PKD1: variants seen among roughly 807,000 people sequenced by gnomAD.
PKD1 encodes polycystin 1, transient receptor potential channel interacting.
A neutral mutation model predicts 361.7 loss-of-function variants in PKD1; 81 were observed. The ratio of observed to expected loss-of-function variants is 0.22; its 90% CI spans 0.19 to 0.27. The LOEUF (loss-of-function observed/expected upper bound fraction) is 0.27. Among genes scored for constraint, PKD1 ranks in the 10% least tolerant of loss-of-function variants. The pLI is 1.00. For missense variants in PKD1, 6,399 were observed against 6,118.3 expected (o/e 1.05, Z -1.53); for synonymous variants, 3,615 against 2,818.3 (o/e 1.28, Z -8.95).
intron 38 of PKD1, 86 bp from the exon 39 acceptor site, chr16:2,092,678 G>T: frequency 1.0e-6 from 1 of 991,878 alleles, no homozygotes. Flanking sequence ...AGGGAACATG[G>T]CTCCCACTGC....
Position 2,093,108 on chromosome 16 carries a change from G to T in PKD1, c.11017-15C>A, listed in dbSNP as rs767602364. ...ACCAGGAGGCTCTGGTGGACGGGGG[G>T]GCCCTGTGGTCAGCCTGGCCCCAGC... is the stretch of plus-strand genomic sequence containing the variant. On this transcript the variant is annotated splice_polypyrimidine_tract_variant and intron_variant, in intron 37 of 45. Coordinates refer to ENST00000262304, the MANE Select transcript of PKD1 (RefSeq NM_001009944.3). The T allele has an allele frequency of 5.6e-6, 9 of 1,611,934 alleles. No homozygotes were observed. The highest frequency in any genetic ancestry group is 7.6e-6 in the Non-Finnish European group (9 of 1,179,878).
In PKD1 at chr16:2,112,171, C is replaced by T. The variant is rs2369079; in HGVS notation, c.3295+169G>A. Among the ~76,000 whole-genome samples, 5 of 152,348 alleles carry T rather than the reference C, an allele frequency of 3.3e-5. No individual in the cohort carries two copies. In the East Asian group the frequency reaches 7.7e-4, roughly 24 times the overall value. ...GGGGCCCAGCTTCCCTGTCCACTCC[C>T]CCCACGCCTGGCCCCTCCCTCACCC... On this transcript the variant is annotated intron_variant, in intron 14 of 45. Transcript: ENST00000262304.
Position 2,102,624 on chromosome 16 carries a change from G to A in PKD1, c.8958C>T (p.Asp2986=), listed in dbSNP as rs777423670. 5.0e-6 allele frequency: 8 copies of A among 1,610,886 alleles called. No individual in the cohort carries two copies. The highest frequency in any genetic ancestry group is 4.4e-5 in the South Asian group (4 of 91,004). ...GGTTCAGATGGTAACTCCCCGCTGG[G>A]TCTCTGCTCCTGGGCAGGGAAGGGG... ...YTFFISPGSR[D]PAGSYHLNLS... Residue 2986 remains aspartate, a synonymous_variant, in exon 25 of 46, where the codon GAC becomes GAT. Transcript: ENST00000262304.
intron 37 of PKD1, 138 bp downstream of exon 37, chr16:2,093,406 G>A (rs1428827815): frequency 4.6e-6 from 4 of 865,322 alleles, no homozygotes; most frequent in Non-Finnish European, 5.3e-6. Flanking sequence ...AGGGAGACCG[G>A]GCAAAGGCTG....
intron 1 of PKD1, among the ~76,000 whole-genome samples, chr16:2,124,769 G>A (rs1393030608): frequency 2.0e-5 from 3 of 152,202 alleles, no homozygotes; most frequent in East Asian, 3.8e-4. Context: ...CCCCGCCCGC[G>A]CTGGCCGCCT....
chr16:2,099,468 C>T, intron 30 of PKD1, 176 bp downstream of exon 30: 2 of 703,196 alleles, frequency 2.8e-6, no homozygotes, highest in Non-Finnish European at 5.1e-6. Flanking sequence ...TCTGAGTCTT[C>T]TCTCTTTCTC....
chr16:2,113,708 G>A (rs971953291), intron 11 of PKD1: 14 of 357,650 alleles, frequency 3.9e-5, no homozygotes, highest in African/African-American at 2.7e-4. Context: ...ATTTCTGATG[G>A]CCCCTCCCAA....
At chr16:2,132,662 C>A (rs1444157604) in intron 1 of PKD1, among the ~76,000 whole-genome samples, 2 of 150,888 alleles carry the variant, frequency 1.3e-5, no homozygotes, top group African/African-American at 4.9e-5. Flanking sequence ...ACTATTAAAC[C>A]AAAAATGTGA....
chr16:2,114,629 G>T lies in PKD1; in HGVS notation c.2394C>A (p.Val798=). 6.4e-7 allele frequency: 1 copy of T among 1,571,266 alleles called. No individual in the cohort carries two copies. The highest frequency in any genetic ancestry group is 8.6e-7 in the Non-Finnish European group (1 of 1,167,946). The stretch of plus-strand genomic sequence containing the variant: ...ACACGCCATTGCCCACCTCTGCCCG[G>T]ACCTCATAGCGCCCAGGCAGCCGCA... ...PGLRLPGRYE[V]RAEVGNGVSR... The change falls in exon 11 of 46, where the codon GTC becomes GTA. Residue 798 remains valine (V), a synonymous_variant. Coordinates refer to ENST00000262304, the MANE Select transcript of PKD1 (RefSeq NM_001009944.3).
At position 2,109,766 on chromosome 16, in the gene PKD1, G is replaced by C; in HGVS notation, c.5401C>G (p.Pro1801Ala). 6.2e-7 allele frequency: 1 copy of C among 1,609,816 alleles called. No individual in the cohort carries two copies. The highest frequency in any genetic ancestry group is 8.5e-7 in the Non-Finnish European group (1 of 1,179,448). The change falls in exon 15 of 46, where the codon CCT becomes GCT. Residue 1801 changes from proline (P) to alanine (A), a missense_variant. Physicochemically the swap from Pro to Ala is conservative, Grantham distance 27. Transcript: ENST00000262304. ...NATVEVDVQVPVSGLSIRASE... is the reference protein window; with the variant it reads ...NATVEVDVQVAVSGLSIRASE... ...GCCCTGATGCTGAGGCCACTCACAGGCACCTGCACATCCACTTCCACGGTG... is the reference window on the plus strand; with the variant it reads ...GCCCTGATGCTGAGGCCACTCACAGCCACCTGCACATCCACTTCCACGGTG...
intron 40 of PKD1, 52 bp downstream of exon 40, chr16:2,091,995 G>T: frequency 1.2e-6 from 2 of 1,612,460 alleles, no homozygotes; most frequent in Non-Finnish European, 1.7e-6. Context: ...CACTCCTGGA[G>T]AACTACTCCC....
In PKD1 at chr16:2,111,555, C is replaced by T. The variant is rs775947695; in HGVS notation, c.3612G>A (p.Ala1204=). 39 of 1,583,062 alleles carry T rather than the reference C, an allele frequency of 2.5e-5. No homozygotes were observed. The highest frequency in any genetic ancestry group is 5.4e-5 in the Admixed American group (3 of 55,750). ...GGAGCTCCTCAAAGACGCGCACATC[C>T]GCCTGGGCCGCCGCACCGCTCACCG... is the stretch of plus-strand genomic sequence containing the variant. ...NNTVSGAAAQ[A]DVRVFEELRG... is the part of the protein sequence containing the mutation. The change falls in exon 15 of 46, where the codon GCG becomes GCA. Residue 1204 remains alanine, a synonymous_variant. Transcript: ENST00000262304.
At position 2,088,719 on chromosome 16, in the gene PKD1, C is replaced by T; in HGVS notation, c.*1008G>A. On this transcript the variant is annotated 3_prime_UTR_variant, in exon 46 of 46. Transcript: ENST00000262304. Reference sequence around the variant, plus strand: ...CATAGAGGCACAGATTGCAGTCAGACAGCTCTTTTATTGACTTTGTCTGCT... The same window carrying T: ...CATAGAGGCACAGATTGCAGTCAGATAGCTCTTTTATTGACTTTGTCTGCT... 1 of 1,417,952 alleles carries T rather than the reference C, an allele frequency of 7.1e-7. No individual in the cohort carries two copies. Among genetic ancestry groups the T allele is most frequent in the Admixed American group, 2.1e-5 (1 of 46,852 alleles). The allele number at this position is 1,417,952 out of a possible 1,614,324, so 87.8% of individuals were successfully genotyped here. A position where few individuals can be genotyped will look rare whatever the true frequency, so the allele number is the denominator to read the frequency against.
intron 1 of PKD1, among the ~76,000 whole-genome samples, chr16:2,122,591 A>G (rs1007967487): frequency 6.6e-6 from 1 of 152,238 alleles, no homozygotes; most frequent in African/African-American, 2.4e-5. Flanking sequence ...GACCAGCAAG[A>G]GGCCATTCTC....
At chr16:2,097,019 A>T in intron 34 of PKD1, 129 bp downstream of exon 34, 1 of 687,350 alleles carries the variant, frequency 1.5e-6, no homozygotes. Flanking sequence ...CAGAGAAGTG[A>T]AGTGGTGCAG....
chr16:2,108,804 G>A lies in PKD1; in HGVS notation c.6363C>T (p.Arg2121=), dbSNP rs138648495. The A allele has an allele frequency of 5.8e-4, 912 of 1,568,544 alleles. 6 individuals carry two copies. In the African/African-American group the frequency reaches 0.011, roughly 19 times the overall value. ...CCAGGTTGGAGGCGTTCACCTGCAC[G>A]CGGTAGTCCCCAGGCCTCAGGTAGG... The part of the protein sequence containing the change: ...EHSYLRPGDY[R]VQVNASNLVS... The change falls in exon 15 of 46, where the codon CGC becomes CGT. Residue 2121 remains arginine (R), a synonymous_variant. Coordinates refer to ENST00000262304, the MANE Select transcript of PKD1 (RefSeq NM_001009944.3).
intron 13 of PKD1, 43 bp downstream of exon 13, chr16:2,112,745 A>T (rs1596567848): frequency 6.3e-7 from 1 of 1,579,972 alleles, no homozygotes; most frequent in South Asian, 1.1e-5. Context: ...GGGCTGGGAC[A>T]AGAGCCTGGT....
intron 22 of PKD1, 66 bp downstream of exon 22, chr16:2,104,432 G>A (rs1247578554): frequency 1.6e-6 from 2 of 1,221,100 alleles, no homozygotes; most frequent in South Asian, 1.3e-5. Flanking sequence ...CGGTTGGGGG[G>A]AGGAGGGAGG....
At position 2,090,797 on chromosome 16, in the gene PKD1, C is replaced by G. The variant is rs2854586; in HGVS notation, c.12015G>C (p.Gln4005His). 1 of 1,612,564 alleles carries G rather than the reference C, an allele frequency of 6.2e-7. No individual in the cohort carries two copies. Among genetic ancestry groups the G allele is most frequent in the African/African-American group, 1.3e-5 (1 of 75,062 alleles). ...CGGACCACTGGCGCACGAAGCGTAGCTGCTGGGCAGCCTGCGGACGAGAAA... is the reference window on the plus strand; with the variant it reads ...CGGACCACTGGCGCACGAAGCGTAGGTGCTGGGCAGCCTGCGGACGAGAAA... ...LFLLLVKAAQ[Q>H]LRFVRQWSVF... Residue 4005 changes from glutamine (Q) to histidine (H), a missense_variant, in exon 44 of 46, where the codon CAG (glutamine) becomes CAC (histidine). Coordinates refer to ENST00000262304, the MANE Select transcript of PKD1 (RefSeq NM_001009944.3).
Sources: gnomAD v4.1 joint callset for allele counts (sites outside exome capture counted in the v4.1 genomes callset) on GRCh38, gnomAD v4.1.1 for gene constraint, MANE v1.5 for transcripts, NCBI Gene and HGNC (gene_info 2026-07-23, HGNC 2026-07-21) for gene names.